Variants in MROH1 observed in about 807,000 individuals in gnomAD.
MROH1 encodes the protein maestro heat like repeat family member 1.
Under a neutral mutation model 116.5 loss-of-function variants are expected in MROH1, and 117 were observed. The ratio of observed to expected loss-of-function variants is 1.00; its 90% CI spans 0.86 to 1.17. MROH1 has a LOEUF of 1.17. Among genes scored for constraint, MROH1 ranks in the 50% most tolerant of loss-of-function variants. The pLI is 0.00. For synonymous variants in MROH1, 921 were observed against 583.9 expected (o/e 1.58, Z -8.32); for missense variants, 1,873 against 1,338.5 (o/e 1.40, Z -6.23).
chr8:144,187,008 G>C (rs1344027661), intron 7 of MROH1, among the ~76,000 whole-genome samples: 1 of 151,928 alleles, frequency 6.6e-6, no homozygotes, highest in Non-Finnish European at 1.5e-5. Flanking sequence ...TGAGGCAGGA[G>C]AATTGCTTGA....
intron 7 of MROH1, among the ~76,000 whole-genome samples, chr8:144,187,322 A>C (rs1291228042): frequency 6.6e-6 from 1 of 152,080 alleles, no homozygotes; most frequent in Admixed American, 6.6e-5. Flanking sequence ...AGGTGGGAGG[A>C]TCACTTGAGC....
At position 144,250,316 on chromosome 8, in the gene MROH1, C is replaced by G. The variant is rs964159410; in HGVS notation, c.3378C>G (p.His1126Gln). Reference sequence around the variant, plus strand: ...GCGTGTACCTCCTGGCCACCCAGCACTGCGCAGCCGTGGTGTCCAGCCTCC... The same window carrying G: ...GCGTGTACCTCCTGGCCACCCAGCAGTGCGCAGCCGTGGTGTCCAGCCTCC... ...QHSVYLLATQ[H>Q]CAAVVSSLLG... Residue 1126 changes from histidine (H) to glutamine (Q), a missense_variant, in exon 33 of 44, where the codon CAC becomes CAG. Physicochemically the swap from His to Gln is conservative, Grantham distance 24 (BLOSUM62 0). Transcript: ENST00000326134. 132 of 768,088 alleles carry G rather than the reference C, an allele frequency of 1.7e-4. No homozygotes were observed. The African/African-American group carries it at 2.2e-3, about 13-fold the overall frequency. The allele number at this position is 768,088 out of a possible 1,614,324, so 47.6% of individuals were successfully genotyped here.
intron 39 of MROH1, 29 bp downstream of exon 39, chr8:144,260,403 G>C: frequency 1.4e-6 from 1 of 704,944 alleles, no homozygotes; most frequent in Non-Finnish European, 2.6e-6. Context: ...GGGGAGGGAA[G>C]AGGGCCCCAG....
At chr8:144,166,749 G>A (rs990831000) in intron 3 of MROH1, among the ~76,000 whole-genome samples, 3 of 152,156 alleles carry the variant, frequency 2.0e-5, no homozygotes, top group Admixed American at 6.5e-5. Context: ...CAGTGAGGAG[G>A]TGGGGTCGAG....
intron 1 of MROH1, among the ~76,000 whole-genome samples, chr8:144,160,435 A>G (rs1386524507): frequency 6.6e-6 from 1 of 152,212 alleles, no homozygotes; most frequent in African/African-American, 2.4e-5. Flanking sequence ...AGCTTTGGAC[A>G]GTTTGTTCTC....
At chr8:144,179,708 C>T in intron 5 of MROH1, 122 bp downstream of exon 5, 1 of 1,291,794 alleles carries the variant, frequency 7.7e-7, no homozygotes, top group Non-Finnish European at 1.1e-6. Flanking sequence ...CTTGGGCTGG[C>T]AGATGCCCTT....
intron 35 of MROH1, among the ~76,000 whole-genome samples, chr8:144,257,851 CAG>C (rs1844190609): frequency 6.6e-6 from 1 of 152,260 alleles, no homozygotes; most frequent in Non-Finnish European, 1.5e-5. Context: ...CTTGTGGGGA[CAG>C]AGGTCCAAAG....
chr8:144,165,607 T>A (rs888567453), intron 3 of MROH1, among the ~76,000 whole-genome samples: 4 of 150,004 alleles, frequency 2.7e-5, no homozygotes, highest in African/African-American at 1.0e-4. Context: ...CTGGGTCTTG[T>A]TGTGTCGCTT....
At chr8:144,171,552 G>A (rs1051009483) in intron 4 of MROH1, among the ~76,000 whole-genome samples, 1 of 152,144 alleles carries the variant, frequency 6.6e-6, no homozygotes, top group Non-Finnish European at 1.5e-5. Context: ...CCATATACCG[G>A]TTAAACACCA....
chr8:144,194,456 A>G (rs956952491), intron 10 of MROH1, among the ~76,000 whole-genome samples: 2 of 152,210 alleles, frequency 1.3e-5, no homozygotes, highest in African/African-American at 4.8e-5. Context: ...ACTGATGGGA[A>G]GTGTTAGGCA....
chr8:144,239,404 T>G (rs1840599723), intron 17 of MROH1, 41 bp downstream of exon 17: 9 of 780,420 alleles, frequency 1.2e-5, no homozygotes, highest in Non-Finnish European at 1.4e-5. Flanking sequence ...CGCCCCACTC[T>G]GTGTCCCTGT....
At chr8:144,228,054 A>C in intron 14 of MROH1, among the ~76,000 whole-genome samples, 1 of 152,026 alleles carries the variant, frequency 6.6e-6, no homozygotes, top group East Asian at 1.9e-4. Flanking sequence ...CAATGTAACC[A>C]GACCTCATCT....
In MROH1 at chr8:144,191,697, C is replaced by T. The variant is rs1564438641; in HGVS notation, c.715-18C>T. ...TTGACTGAGCAGCGTAAGCTTCCCG[C>T]CCACTGTCCCCTCTCAGCTCCGTCT... On this transcript the variant is annotated intron_variant, in intron 8 of 43. Coordinates refer to ENST00000326134, the MANE Select transcript of MROH1 (RefSeq NM_032450.3). The T allele has an allele frequency of 3.7e-6, 6 of 1,611,202 alleles. No homozygotes were observed. Among genetic ancestry groups the T allele is most frequent in the Admixed American group, 3.3e-5 (2 of 59,788 alleles).
At position 144,180,568 on chromosome 8, in the gene MROH1, G is replaced by A. The variant is rs530274879; in HGVS notation, c.562+45G>A. 10 of 1,567,060 alleles carry A rather than the reference G, an allele frequency of 6.4e-6. No individual in the cohort carries two copies. In the Admixed American group the frequency reaches 1.2e-4, roughly 18 times the overall value. The stretch of plus-strand genomic sequence containing the variant: ...CCTTCTGTCTCAAGTGCCCCTTTGT[G>A]GGGGGCTGTTCCCGGGCATGCCTGT... On this transcript the variant is annotated intron_variant, in intron 7 of 43. Coordinates refer to ENST00000326134, the MANE Select transcript of MROH1 (RefSeq NM_032450.3). The surrounding 1 kb of genome is among the most constrained non-coding windows in gnomAD (Gnocchi z 7.4).
intron 13 of MROH1, among the ~76,000 whole-genome samples, chr8:144,221,954 T>G (rs1836840515): frequency 6.6e-6 from 1 of 152,134 alleles, no homozygotes; most frequent in African/African-American, 2.4e-5. Context: ...GGGGAAGGGC[T>G]GGTTGCGCCA....
chr8:144,200,437 C>G lies in MROH1; in HGVS notation c.1037C>G (p.Ser346Trp), dbSNP rs772321319. The G allele has an allele frequency of 1.3e-6, 2 of 1,549,298 alleles. No individual in the cohort carries two copies. Among genetic ancestry groups the G allele is most frequent in the South Asian group, 2.4e-5 (2 of 83,814 alleles). Reference protein sequence around the residue: ...LRCFTVLACSSPDRLLAFLLP... With the variant: ...LRCFTVLACSWPDRLLAFLLP... The stretch of plus-strand genomic sequence containing the variant: ...ACCCGTTGCCCTGTAGCCTGCAGCT[C>G]GCCTGACCGCCTACTGGCCTTCCTG... Residue 346 changes from serine (S) to tryptophan (W), a missense_variant, in exon 12 of 44, where the codon TCG becomes TGG. By Grantham distance (177) the Ser-to-Trp change is radical. Coordinates refer to ENST00000326134, the MANE Select transcript of MROH1 (RefSeq NM_032450.3).
At chr8:144,185,394 C>A (rs1181496843) in intron 7 of MROH1, among the ~76,000 whole-genome samples, 1 of 151,842 alleles carries the variant, frequency 6.6e-6, no homozygotes, top group Non-Finnish European at 1.5e-5. Flanking sequence ...ATGTTTTATA[C>A]CTAGTTCTTT....
intron 12 of MROH1, among the ~76,000 whole-genome samples, chr8:144,203,484 A>C (rs1295882262): frequency 1.4e-5 from 2 of 139,458 alleles, no homozygotes; most frequent in Admixed American, 7.1e-5. Context: ...AGCGCAGGCT[A>C]TCTGTTGAGG....
At chr8:144,152,371 C>T (rs1308311872) in intron 1 of MROH1, among the ~76,000 whole-genome samples, 2 of 144,000 alleles carry the variant, frequency 1.4e-5, no homozygotes, top group Non-Finnish European at 3.0e-5. Context: ...TCATAACTGC[C>T]TTGTTTTTTT....
Sources: gnomAD v4.1 joint callset for allele counts (sites outside exome capture counted in the v4.1 genomes callset) on GRCh38, gnomAD v4.1.1 for gene constraint, Gnocchi (gnomAD v3.1) non-coding constraint, MANE v1.5 for transcripts, NCBI Gene and HGNC (gene_info 2026-07-23, HGNC 2026-07-21) for gene names.